The following MIPOL1 variants were observed in gnomAD, a reference collection of about 807,000 sequenced individuals.
The protein encoded by MIPOL1 is mirror-image polydactyly gene 1 protein.
In MIPOL1, 57 loss-of-function variants were observed where a neutral mutation model predicts 60.9. The observed-to-expected ratio is 0.94, with a 90% confidence interval of 0.76 to 1.17. The LOEUF is 1.17. Among genes scored for constraint, MIPOL1 ranks in the 50% most tolerant of loss-of-function variants. The probability of loss-of-function intolerance (pLI) is 0.00; values close to 1 mark genes in which losing one functional copy is unlikely to be tolerated. For missense variants in MIPOL1, 551 were observed against 511.6 expected, an observed-to-expected ratio of 1.08 and a Z score of -0.74; for synonymous variants, 179 against 168.8, an observed-to-expected ratio of 1.06 and a Z score of -0.47.
At chr14:37,454,605 G>T (rs2094456955) in intron 11 of MIPOL1, among the ~76,000 whole-genome samples, 1 of 152,084 alleles carries the variant, frequency 6.6e-6, no homozygotes, top group Non-Finnish European at 1.5e-5. Context: ...TTCAATCATG[G>T]TTCATGATCC....
At chr14:37,252,973 G>A (rs1046600837) in intron 3 of MIPOL1, among the ~76,000 whole-genome samples, 1 of 151,762 alleles carries the variant, frequency 6.6e-6, no homozygotes, top group Non-Finnish European at 1.5e-5. Context: ...TAGAAAAAAA[G>A]CTATTTCCTA....
rs149525205 is a variant in MIPOL1 at position 37,243,211 on chromosome 14, A to G, written c.-198-3892A>G. Among the ~76,000 whole-genome samples the G allele has an allele frequency of 1.5e-3, 229 of 152,296 alleles. 2 individuals are homozygous for G. Among genetic ancestry groups the G allele is most frequent in the African/African-American group, 5.2e-3 (215 of 41,546 alleles). On this transcript the variant is annotated intron_variant, in intron 1 of 12. Transcript: ENST00000684589. The stretch of plus-strand genomic sequence containing the variant: ...TGTATAGCTGTGGTACAGGGCCACT[A>G]TTATCCCTTATCCTTTCTTCCTGAA...
chr14:37,412,428 G>A (rs1251965280), intron 10 of MIPOL1, among the ~76,000 whole-genome samples: 4 of 151,824 alleles, frequency 2.6e-5, no homozygotes, highest in African/African-American at 4.8e-5. Context: ...TCATTGGAAT[G>A]GAATAGATAA....
chr14:37,444,472 A>G (rs1229653093), intron 11 of MIPOL1, among the ~76,000 whole-genome samples: 1 of 152,220 alleles, frequency 6.6e-6, no homozygotes, highest in African/African-American at 2.4e-5. Flanking sequence ...TGCAGGCTAT[A>G]TATTACCCTA....
Position 37,369,784 on chromosome 14 carries a change from G to T in MIPOL1, c.936+160G>T. On this transcript the variant is annotated intron_variant, in intron 10 of 12. Transcript: ENST00000684589. Reference sequence around the variant, plus strand: ...CACAGATACAGCACCCTTTTGTTATGGTATTATTTTATTTCACGTATGTGT... The same window carrying T: ...CACAGATACAGCACCCTTTTGTTATTGTATTATTTTATTTCACGTATGTGT... 1.4e-5 allele frequency: 6 copies of T among 435,294 alleles called. No homozygotes were observed. The South Asian group carries it at 1.4e-4, about 10-fold the overall frequency. 27.0% of individuals were successfully genotyped at this position (435,294 alleles called of 1,614,324 possible).
chr14:37,514,426 G>A (rs2095353046), intron 12 of MIPOL1, among the ~76,000 whole-genome samples: 1 of 152,130 alleles, frequency 6.6e-6, no homozygotes, highest in South Asian at 2.1e-4. Flanking sequence ...AGGTGAAAAG[G>A]AAGGTGTAGA....
intron 11 of MIPOL1, among the ~76,000 whole-genome samples, chr14:37,431,168 G>T (rs1357929536): frequency 1.3e-5 from 2 of 152,134 alleles, no homozygotes; most frequent in African/African-American, 4.8e-5. Context: ...TATTTTGTTA[G>T]ATTAAAAAAG....
intron 3 of MIPOL1, among the ~76,000 whole-genome samples, chr14:37,251,496 A>G (rs370847501): frequency 1.1e-4 from 16 of 152,184 alleles, no homozygotes; most frequent in African/African-American, 3.9e-4. Context: ...CAGGCCTTTT[A>G]AGGGGTAAGT....
At chr14:37,418,248 G>T (rs1257845290) in intron 10 of MIPOL1, among the ~76,000 whole-genome samples, 1 of 152,082 alleles carries the variant, frequency 6.6e-6, no homozygotes, top group African/African-American at 2.4e-5. Context: ...CCACAATACT[G>T]GTTAAGAATA....
At chr14:37,327,265 T>C (rs1029718435) in intron 9 of MIPOL1, among the ~76,000 whole-genome samples, 2 of 151,934 alleles carry the variant, frequency 1.3e-5, no homozygotes, top group Non-Finnish European at 2.9e-5. Flanking sequence ...GTATCCCACA[T>C]GAGGTTGGAA....
intron 7 of MIPOL1, among the ~76,000 whole-genome samples, chr14:37,287,336 T>G (rs750971798): frequency 3.2e-4 from 49 of 152,228 alleles, no homozygotes; most frequent in Admixed American, 1.8e-3. Context: ...AGACTTGAAC[T>G]GGGCTCAAGT....
rs144054671 is a variant in MIPOL1, at chr14:37,517,699, A to T, written c.1262+17561A>T. On this transcript the variant is annotated intron_variant, in intron 12 of 12. Transcript: ENST00000684589. ...TAATACAATGCAACTGTAAAAAAGA[A>T]TAAGGACGATATCTATAAACTGATA... Among the ~76,000 whole-genome samples, 1,456 of 152,300 alleles carry T rather than the reference A, an allele frequency of 9.6e-3. 27 individuals carry two copies. The highest frequency in any genetic ancestry group is 0.033 in the African/African-American group (1,376 of 41,566).
intron 10 of MIPOL1, among the ~76,000 whole-genome samples, chr14:37,370,904 T>C (rs1000215096): frequency 6.6e-6 from 1 of 152,148 alleles, no homozygotes; most frequent in Non-Finnish European, 1.5e-5. Flanking sequence ...GCTTCCATAA[T>C]GTGTGCTAAT....
intron 9 of MIPOL1, among the ~76,000 whole-genome samples, chr14:37,314,965 A>C (rs979131237): frequency 1.3e-5 from 2 of 152,216 alleles, no homozygotes; most frequent in African/African-American, 4.8e-5. Flanking sequence ...CAGATATAAA[A>C]GGTTCTTACT....
At chr14:37,457,161 A>T (rs1036895202) in intron 11 of MIPOL1, among the ~76,000 whole-genome samples, 2 of 152,176 alleles carry the variant, frequency 1.3e-5, no homozygotes, top group Admixed American at 1.3e-4. Flanking sequence ...TAGAAAATTC[A>T]TGAGAGATAA....
At chr14:37,289,971 A>G (rs2084917102) in intron 7 of MIPOL1, among the ~76,000 whole-genome samples, 2 of 152,188 alleles carry the variant, frequency 1.3e-5, no homozygotes, top group Admixed American at 6.5e-5. Context: ...CCAAATATGT[A>G]TTTCACAATA....
chr14:37,461,190 T>C (rs796511489), intron 11 of MIPOL1, among the ~76,000 whole-genome samples: 10 of 152,286 alleles, frequency 6.6e-5, no homozygotes, highest in African/African-American at 2.4e-4. Context: ...TACCTGAGAC[T>C]GGGCAATTTA....
At chr14:37,492,041 C>G (rs1057306013) in intron 11 of MIPOL1, among the ~76,000 whole-genome samples, 14 of 152,144 alleles carry the variant, frequency 9.2e-5, no homozygotes, top group African/African-American at 3.1e-4. Flanking sequence ...AAGATGGGGT[C>G]TCACTGTGTT....
intron 1 of MIPOL1, among the ~76,000 whole-genome samples, chr14:37,208,471 G>T (rs779679101): frequency 2.6e-5 from 4 of 152,122 alleles, no homozygotes; most frequent in Non-Finnish European, 4.4e-5. Context: ...AATGTAGATA[G>T]TATAGATCAA....
Sources: gnomAD v4.1 joint callset for allele counts (sites outside exome capture counted in the v4.1 genomes callset) on GRCh38, gnomAD v4.1.1 for gene constraint, MANE v1.5 for transcripts, NCBI Gene and HGNC (gene_info 2026-07-23, HGNC 2026-07-21) for gene names.